The following TIAM2 variants were observed in gnomAD, a reference collection of about 807,000 sequenced individuals.
The protein encoded by TIAM2 is TIAM Rac1 associated GEF 2, also known as rho guanine nucleotide exchange factor TIAM2.
Under a neutral mutation model 152.9 loss-of-function variants are expected in TIAM2, and 80 were observed. The observed-to-expected ratio is 0.52, with a 90% CI of 0.44 to 0.63. The LOEUF is 0.63. Ranked by LOEUF, TIAM2 falls within the 30% of genes least tolerant of loss-of-function variation. The probability of loss-of-function intolerance (pLI) is 0.00; values close to 1 mark genes in which losing one functional copy is unlikely to be tolerated. For missense variants in TIAM2, 1,965 were observed against 2,120.1 expected, an observed-to-expected ratio of 0.93 and a Z score of 1.44; for synonymous variants, 804 against 838.0, an observed-to-expected ratio of 0.96 and a Z score of 0.70.
chr6:155,225,015 G>T (rs1024249524), intron 15 of TIAM2, among the ~76,000 whole-genome samples: 76 of 152,310 alleles, frequency 5.0e-4, no homozygotes, highest in Non-Finnish European at 1.6e-4. Context: ...GAGTGAAATG[G>T]TGCGATCTTG....
At chr6:155,243,788 A>C (rs1196428028) in intron 16 of TIAM2, among the ~76,000 whole-genome samples, 1 of 127,626 alleles carries the variant, frequency 7.8e-6, no homozygotes, top group Non-Finnish European at 1.6e-5. Context: ...CAGAGGTTGC[A>C]GTGAGCTGAG....
Position 155,244,859 on chromosome 6 carries a change from T to C in TIAM2, c.3543+76T>C. 6 of 1,473,778 alleles carry C rather than the reference T, an allele frequency of 4.1e-6. No individual in the cohort carries two copies. In the South Asian group the frequency reaches 8.6e-5, roughly 21 times the overall value. 91.3% of individuals were successfully genotyped at this position (1,473,778 alleles called of 1,614,324 possible). Reference sequence around the variant, plus strand: ...TATTTCTCTCATGAGAATTCTCTCATGAGAAAGAATTTCTTGTCCTGTGAC... The same window carrying C: ...TATTTCTCTCATGAGAATTCTCTCACGAGAAAGAATTTCTTGTCCTGTGAC... On this transcript the variant is annotated intron_variant, in intron 18 of 26. Transcript: ENST00000682666.
intron 14 of TIAM2, among the ~76,000 whole-genome samples, chr6:155,203,958 G>GCGGCGC (rs1242905662): frequency 4.6e-5 from 7 of 152,124 alleles, no homozygotes; most frequent in African/African-American, 1.7e-4. Context: ...CTCAGAGGTG[G>GCGGCGC]TGGCGCTGAC....
rs561015843 is a variant in TIAM2, at chr6:155,211,829, A to G, written c.3168+522A>G. 1.1e-3 allele frequency among the ~76,000 whole-genome samples: 162 copies of G among 152,260 alleles called. 1 individual carries two copies. The highest frequency in any genetic ancestry group is 3.7e-3 in the African/African-American group (153 of 41,540). ...CACCACCACCATCTAGAACTTTTTC[A>G]TCATTCCAGACAGAAACTCTGTACC... On this transcript the variant is annotated intron_variant, in intron 15 of 26. Coordinates refer to ENST00000682666, the MANE Select transcript of TIAM2 (RefSeq NM_012454.4).
intron 2 of TIAM2, among the ~76,000 whole-genome samples, chr6:155,104,483 C>T (rs1778632013): frequency 6.6e-6 from 1 of 152,240 alleles, no homozygotes; most frequent in African/African-American, 2.4e-5. Context: ...GCATGGCCGG[C>T]ACGGTGGGTC....
intron 1 of TIAM2, among the ~76,000 whole-genome samples, chr6:155,000,548 A>AAG (rs1778295819): frequency 6.8e-6 from 1 of 147,118 alleles, no homozygotes. Flanking sequence ...AAAAAAAAAA[A>AAG]GCATCCAAAA....
At chr6:155,032,470 C>T (rs1776843588) in intron 1 of TIAM2, among the ~76,000 whole-genome samples, 2 of 152,172 alleles carry the variant, frequency 1.3e-5, no homozygotes, top group African/African-American at 2.4e-5. Flanking sequence ...CAGTAGGAAT[C>T]GTCTGAGAAT....
chr6:155,181,763 A>T (rs1473172442), intron 12 of TIAM2, among the ~76,000 whole-genome samples: 2 of 152,332 alleles, frequency 1.3e-5, no homozygotes, highest in East Asian at 3.9e-4. Context: ...TCACGTAAAT[A>T]GTATCATACT....
intron 2 of TIAM2, among the ~76,000 whole-genome samples, chr6:155,104,040 A>ACACACACC (rs1562316893): frequency 1.7e-5 from 1 of 57,732 alleles, no homozygotes; most frequent in African/African-American, 7.7e-5. Context: ...ACACACACAC[A>ACACACACC]CCCCCCCCCC....
chr6:155,025,803 G>A (rs1006879392), intron 1 of TIAM2, among the ~76,000 whole-genome samples: 2 of 141,970 alleles, frequency 1.4e-5, no homozygotes, highest in Non-Finnish European at 3.0e-5. Context: ...AAAAACACAT[G>A]TGAGCACCTC....
Position 155,019,664 on chromosome 6 carries a change from C to T in TIAM2, c.-209+24172C>T, listed in dbSNP as rs192436648. On this transcript the variant is annotated intron_variant, in intron 1 of 26. Coordinates refer to ENST00000682666, the MANE Select transcript of TIAM2 (RefSeq NM_012454.4). ...TAGTTGGTTGGCCTGACTTCTTGCT[C>T]GTGGGCCTACCGGCCAGCTGGCTAG... Among the ~76,000 whole-genome samples, 37 of 152,288 alleles carry T rather than the reference C, an allele frequency of 2.4e-4. No individual in the cohort carries two copies. The East Asian group carries it at 6.8e-3, about 28-fold the overall frequency.
intron 14 of TIAM2, among the ~76,000 whole-genome samples, chr6:155,204,811 C>T (rs577572148): frequency 3.3e-5 from 5 of 152,278 alleles, no homozygotes; most frequent in South Asian, 2.1e-4. Context: ...TTAGTTCATT[C>T]GTGCTCCTGT....
chr6:155,103,402 G>T (rs1021572624), intron 2 of TIAM2, among the ~76,000 whole-genome samples: 2 of 152,090 alleles, frequency 1.3e-5, no homozygotes, highest in Non-Finnish European at 2.9e-5. Flanking sequence ...GTATCAAAAG[G>T]TCAGAATTGT....
intron 2 of TIAM2, among the ~76,000 whole-genome samples, chr6:155,095,049 A>G (rs116918640): frequency 0.021 from 3,187 of 152,046 alleles, 41 homozygotes; most frequent in Non-Finnish European, 0.034. Flanking sequence ...TGCCTTCCCT[A>G]ACATCCACTG....
At chr6:155,234,323 A>G (rs12191935) in intron 15 of TIAM2, among the ~76,000 whole-genome samples, 19,085 of 152,296 alleles carry the variant, frequency 0.13, 1,407 homozygotes, top group Non-Finnish European at 0.17. Flanking sequence ...TTTTAGAGAT[A>G]GAGCCTCACT....
intron 1 of TIAM2, among the ~76,000 whole-genome samples, chr6:155,084,758 T>C (rs1476612160): frequency 1.3e-5 from 2 of 152,228 alleles, no homozygotes; most frequent in Non-Finnish European, 2.9e-5. Context: ...TTGTCATGAA[T>C]GGCAGCTTCT....
chr6:155,063,880 G>A (rs1170130898), intron 1 of TIAM2, among the ~76,000 whole-genome samples: 1 of 151,790 alleles, frequency 6.6e-6, no homozygotes, highest in African/African-American at 2.4e-5. Flanking sequence ...ATGTGCATGT[G>A]GATGTAAGAT....
rs146734733 is a variant in TIAM2 at position 155,130,173 on chromosome 6, G to A, written c.950G>A (p.Arg317His). ...NLGSLSPSGI[R>H]LSDEYMGTHA... ...GGGAGCCTCTCCCCCTCAGGTATCC[G>A]CCTTTCTGATGAATACATGGGCACG... Residue 317 changes from arginine to histidine, a missense_variant, in exon 4 of 27, where the codon CGC (arginine) becomes CAC (histidine). By Grantham distance (29) the Arg-to-His change is conservative (BLOSUM62 0). Around this residue, in one of 3 missense-constraint regions of TIAM2, gnomAD observed 1,025 missense variants for 1,119.4 expected, o/e 0.92. Coordinates refer to ENST00000682666, the MANE Select transcript of TIAM2 (RefSeq NM_012454.4). The A allele has an allele frequency of 2.8e-5, 45 of 1,613,998 alleles. No individual in the cohort carries two copies. Among genetic ancestry groups the A allele is most frequent in the East Asian group, 2.5e-4 (11 of 44,892 alleles).
chr6:155,053,321 A>G (rs1451381906), intron 1 of TIAM2, among the ~76,000 whole-genome samples: 2 of 152,086 alleles, frequency 1.3e-5, no homozygotes, highest in African/African-American at 4.8e-5. Flanking sequence ...TTTTTAAACT[A>G]TTCTTGCCAC....
Sources: allele counts gnomAD v4.1 joint callset (sites outside exome capture counted in the v4.1 genomes callset), GRCh38; gene constraint gnomAD v4.1.1; regional missense constraint gnomAD v4.1.1; transcripts MANE v1.5; gene names NCBI Gene and HGNC (gene_info 2026-07-23, HGNC 2026-07-21).